The following GPC6 variants were observed in gnomAD, a reference collection of about 807,000 sequenced individuals.
The protein encoded by GPC6 is glypican 6, also known as glypican-6.
In GPC6, 14 loss-of-function variants were observed where a neutral mutation model predicts 55.2. That is an observed-to-expected ratio of 0.25 (90% CI 0.17 to 0.40). The LOEUF (loss-of-function observed/expected upper bound fraction) is 0.40, where lower values mean the gene tolerates loss of function less well. Ranked by LOEUF, GPC6 falls within the 10% of genes least tolerant of loss-of-function variation. The pLI, the probability that GPC6 is intolerant of heterozygous loss-of-function variation, is 1.00. For missense variants in GPC6, 641 were observed against 708.5 expected, an observed-to-expected ratio of 0.90 and a Z score of 1.08; for synonymous variants, 278 against 259.6, an observed-to-expected ratio of 1.07 and a Z score of -0.68.
At chr13:93,913,802 T>C (rs1877140244) in intron 3 of GPC6, among the ~76,000 whole-genome samples, 1 of 152,186 alleles carries the variant, frequency 6.6e-6, no homozygotes, top group African/African-American at 2.4e-5. Context: ...TTAACATTCA[T>C]TTTGAAGCTT....
At position 93,830,151 on chromosome 13, in the gene GPC6, C is replaced by T; in HGVS notation, c.320-3C>T. Reference sequence around the variant, plus strand: ...TTATGACTTCTTTCTGTTTTATCTGCAGAATTTTTCCGAGAGCTCCTGGAG... The same window carrying T: ...TTATGACTTCTTTCTGTTTTATCTGTAGAATTTTTCCGAGAGCTCCTGGAG... On this transcript the variant is annotated splice_region_variant and splice_polypyrimidine_tract_variant and intron_variant, in intron 2 of 8. Coordinates refer to ENST00000377047, the MANE Select transcript of GPC6 (RefSeq NM_005708.5). 1 of 1,606,750 alleles carries T rather than the reference C, an allele frequency of 6.2e-7. No individual in the cohort carries two copies. Among genetic ancestry groups the T allele is most frequent in the East Asian group, 2.2e-5 (1 of 44,746 alleles).
intron 1 of GPC6, among the ~76,000 whole-genome samples, chr13:93,308,569 G>A (rs1221871501): frequency 6.6e-6 from 1 of 152,146 alleles, no homozygotes; most frequent in Non-Finnish European, 1.5e-5. Flanking sequence ...AGCCTCCTGA[G>A]TAGCTAGGAT....
chr13:93,547,025 A>G (rs1308256259), intron 2 of GPC6, among the ~76,000 whole-genome samples: 3 of 152,102 alleles, frequency 2.0e-5, no homozygotes, highest in African/African-American at 7.2e-5. Flanking sequence ...TAAAACAAGT[A>G]AAGCAATTCA....
intron 3 of GPC6, among the ~76,000 whole-genome samples, chr13:94,009,954 C>G (rs1246633807): frequency 1.3e-5 from 2 of 152,112 alleles, no homozygotes; most frequent in African/African-American, 2.4e-5. Context: ...CATATTTTGA[C>G]TGGAAATTTC....
At chr13:94,100,168 A>C (rs1486215522) in intron 4 of GPC6, among the ~76,000 whole-genome samples, 1 of 152,228 alleles carries the variant, frequency 6.6e-6, no homozygotes, top group African/African-American at 2.4e-5. Context: ...AGATGAAGAC[A>C]ATCAGACTCA....
intron 4 of GPC6, among the ~76,000 whole-genome samples, chr13:94,125,301 A>T (rs1249514642): frequency 1.3e-5 from 2 of 152,146 alleles, no homozygotes; most frequent in African/African-American, 2.4e-5. Flanking sequence ...TCTCAAAAAA[A>T]GGAACCTGCC....
chr13:93,226,201 C>A (rs1875775057), upstream of GPC6, among the ~76,000 whole-genome samples: 1 of 152,062 alleles, frequency 6.6e-6, no homozygotes, highest in Non-Finnish European at 1.5e-5. Context: ...CTTTATGCAC[C>A]TCTGACCCTT....
intron 4 of GPC6, among the ~76,000 whole-genome samples, chr13:94,072,714 G>A (rs777105774): frequency 7.9e-5 from 12 of 152,178 alleles, no homozygotes; most frequent in Non-Finnish European, 7.3e-5. Context: ...AATGAATATT[G>A]CAAAGGCACC....
intron 4 of GPC6, among the ~76,000 whole-genome samples, chr13:94,056,819 A>C (rs967050157): frequency 3.5e-4 from 54 of 152,236 alleles, no homozygotes; most frequent in African/African-American, 1.3e-3. Flanking sequence ...CATGTCTTCC[A>C]AATCAGCAAT....
chr13:93,368,645 C>T (rs1005948424), intron 1 of GPC6, among the ~76,000 whole-genome samples: 2 of 151,926 alleles, frequency 1.3e-5, no homozygotes, highest in Non-Finnish European at 2.9e-5. Context: ...CATGGTGCTG[C>T]ACCTTTGAAC....
chr13:94,049,496 C>T (rs934480320), intron 4 of GPC6, among the ~76,000 whole-genome samples: 4 of 152,066 alleles, frequency 2.6e-5, no homozygotes, highest in East Asian at 1.9e-4. Context: ...AATCAGAAGA[C>T]ATGAGATCTG....
chr13:94,260,328 G>T (rs1052617887), intron 4 of GPC6, among the ~76,000 whole-genome samples: 22 of 152,248 alleles, frequency 1.4e-4, no homozygotes, highest in African/African-American at 5.3e-4. Flanking sequence ...CAGTTTGCTA[G>T]GGCTGCCATA....
Position 93,227,749 on chromosome 13 carries a change from C to A in GPC6, c.160+133C>A. On this transcript the variant is annotated intron_variant, in intron 1 of 8. Transcript: ENST00000377047. This position sits in a 1 kb window ranked among gnomAD's most constrained non-coding sequence, Gnocchi z 4.3. ...TTTCTGCCACCGCTATGGGACTCCG[C>A]GTCTCCGTGTTGGGCGGCGGATGCT... 2 of 686,650 alleles carry A rather than the reference C, an allele frequency of 2.9e-6. No homozygotes were observed. Among genetic ancestry groups the A allele is most frequent in the South Asian group, 1.9e-5 (1 of 52,254 alleles). 42.5% of individuals were successfully genotyped at this position (686,650 alleles called of 1,614,324 possible).
intron 3 of GPC6, among the ~76,000 whole-genome samples, chr13:93,996,427 T>C (rs1027466721): frequency 6.6e-6 from 1 of 152,182 alleles, no homozygotes; most frequent in African/African-American, 2.4e-5. Context: ...AATAAAACTT[T>C]TCGAGTGATG....
At chr13:94,111,473 TATAATAATAATAATAATA>T (rs149246452) in intron 4 of GPC6, among the ~76,000 whole-genome samples, 10 of 144,438 alleles carry the variant, frequency 6.9e-5, no homozygotes, top group African/African-American at 1.3e-4. Context: ...TTAAAGTAAA[TATAATAATAATAATAATA>T]ATAATAATAA....
At chr13:94,134,828 A>T (rs1300860985) in intron 4 of GPC6, among the ~76,000 whole-genome samples, 1 of 152,160 alleles carries the variant, frequency 6.6e-6, no homozygotes, top group African/African-American at 2.4e-5. Context: ...ATTTCCTATA[A>T]AAGTCTAAGT....
chr13:94,185,167 G>A (rs936696263), intron 4 of GPC6, among the ~76,000 whole-genome samples: 6 of 150,702 alleles, frequency 4.0e-5, no homozygotes, highest in African/African-American at 1.2e-4. Context: ...AGGGGATAGG[G>A]TCAAAAAACT....
chr13:94,351,289 ACCACGGTGAT>A (rs1274967299), intron 6 of GPC6, among the ~76,000 whole-genome samples: 2 of 152,066 alleles, frequency 1.3e-5, no homozygotes, highest in African/African-American at 4.8e-5. Context: ...GGGACAGAGA[ACCACGGTGAT>A]CCCTCTACAC....
chr13:93,622,122 T>C (rs566502349), intron 2 of GPC6, among the ~76,000 whole-genome samples: 93 of 152,312 alleles, frequency 6.1e-4, no homozygotes, highest in African/African-American at 2.1e-3. Flanking sequence ...TGTCTTTCTG[T>C]CAAGCTACAC....
Sources: allele counts gnomAD v4.1 joint callset (sites outside exome capture counted in the v4.1 genomes callset), GRCh38; gene constraint gnomAD v4.1.1; non-coding constraint Gnocchi (gnomAD v3.1); transcripts MANE v1.5; gene names NCBI Gene and HGNC (gene_info 2026-07-23, HGNC 2026-07-21).